Variants in NBAS observed in about 807,000 individuals in gnomAD.
The protein encoded by NBAS is NBAS subunit of NRZ tethering complex, also known as NAG/BC035112 fusion.
Under a neutral mutation model 302.5 loss-of-function variants are expected in NBAS, and 219 were observed. The observed-to-expected ratio is 0.72, with a 90% CI of 0.65 to 0.81. The LOEUF is 0.81. Among genes scored for constraint, NBAS ranks in the 30% least tolerant of loss-of-function variants. The pLI is 0.00. For synonymous variants in NBAS, 1,118 were observed against 1,021.6 expected (o/e 1.09, Z -1.80); for missense variants, 2,932 against 2,841.6 (o/e 1.03, Z -0.72).
At chr2:14,933,088 A>G in the NBAS span, among the ~76,000 whole-genome samples, 1 of 152,212 alleles carries the variant, frequency 6.6e-6, no homozygotes, top group African/African-American at 2.4e-5. Context: ...ACTTTCTAGT[A>G]TAATCCTCTC....
chr2:15,112,108 A>G, the NBAS span, among the ~76,000 whole-genome samples: 1 of 151,534 alleles, frequency 6.6e-6, no homozygotes, highest in African/African-American at 2.4e-5. Context: ...GCACACCAGA[A>G]AGCCAAATCT....
In NBAS at chr2:15,227,785, A is replaced by G. The variant is rs553390978; in HGVS notation, c.6236+4637T>C. Among the ~76,000 whole-genome samples the G allele has an allele frequency of 3.3e-5, 5 of 152,322 alleles. No homozygotes were observed. The South Asian group carries it at 8.3e-4, about 25-fold the overall frequency. On this transcript the variant is annotated intron_variant, in intron 47 of 51. Coordinates refer to ENST00000281513, the MANE Select transcript of NBAS (RefSeq NM_015909.4). Reference sequence around the variant, plus strand: ...GCTGAGAAAATTAGATAACCACACGAAAAAGAATGAAACTGGACTTCTATC... The same window carrying G: ...GCTGAGAAAATTAGATAACCACACGGAAAAGAATGAAACTGGACTTCTATC...
the NBAS span, among the ~76,000 whole-genome samples, chr2:14,959,552 C>T: frequency 2.0e-5 from 3 of 152,206 alleles, no homozygotes; most frequent in East Asian, 1.9e-4. Flanking sequence ...CTTAAGAACA[C>T]ACATAAGACC....
chr2:15,118,854 T>C, the NBAS span, among the ~76,000 whole-genome samples: 110 of 152,296 alleles, frequency 7.2e-4, 1 homozygote, highest in East Asian at 9.8e-3. Flanking sequence ...TGAGAAATAA[T>C]AAACACGGTT....
chr2:14,896,729 C>T, the NBAS span, among the ~76,000 whole-genome samples: 1 of 152,094 alleles, frequency 6.6e-6, no homozygotes, highest in African/African-American at 2.4e-5. Flanking sequence ...GAGCCCAGGC[C>T]AGTGAGTGAA....
chr2:14,963,017 T>C, the NBAS span, among the ~76,000 whole-genome samples: 1 of 151,852 alleles, frequency 6.6e-6, no homozygotes, highest in East Asian at 1.9e-4. Flanking sequence ...ATCTGTAATC[T>C]CAGCACTTTG....
chr2:14,925,143 T>C, the NBAS span, among the ~76,000 whole-genome samples: 1 of 152,234 alleles, frequency 6.6e-6, no homozygotes, highest in Non-Finnish European at 1.5e-5. Flanking sequence ...CCTGGTGTGC[T>C]GGGCCATGCA....
chr2:15,398,984 C>T lies in NBAS; in HGVS notation c.3072-2509G>A, dbSNP rs114331359. On this transcript the variant is annotated intron_variant, in intron 26 of 51. Transcript: ENST00000281513. ...CATGAGAGGCATTTCTTAGCCTATA[C>T]ATTCTTCAAAAACAAATATGGTAAT... Among the ~76,000 whole-genome samples, 1,028 of 152,260 alleles carry T rather than the reference C, an allele frequency of 6.8e-3. 12 individuals carry two copies. Among genetic ancestry groups the T allele is most frequent in the African/African-American group, 0.022 (927 of 41,564 alleles).
At position 15,352,070 on chromosome 2, in the gene NBAS, T is replaced by C. The variant is rs774508546; in HGVS notation, c.4101A>G (p.Gln1367=). 9.3e-6 allele frequency: 15 copies of C among 1,608,690 alleles called. No homozygotes were observed. The East Asian group carries it at 3.4e-4, about 36-fold the overall frequency. Residue 1367 remains glutamine, a synonymous_variant, in exon 35 of 52, where the codon CAA becomes CAG. Coordinates refer to ENST00000281513, the MANE Select transcript of NBAS (RefSeq NM_015909.4). ...SSSLQTEILY[Q]RVNFQIHHEG... is the part of the protein sequence containing the mutation. ...CATGATGGATCTGGAAATTCACTCT[T>C]TGATAAAGAATCTAAAACAAGAATA...
intron 8 of NBAS, among the ~76,000 whole-genome samples, chr2:15,535,640 T>C (rs1031204362): frequency 1.3e-5 from 2 of 152,094 alleles, no homozygotes; most frequent in African/African-American, 4.8e-5. Context: ...CTTTGAATCA[T>C]CTCTAGATTC....
chr2:14,991,458 G>A, the NBAS span, among the ~76,000 whole-genome samples: 44,988 of 152,012 alleles, frequency 0.3, 7,155 homozygotes, highest in Non-Finnish European at 0.36. Flanking sequence ...TCTTCCCAGT[G>A]TTGCAGGGAA....
intron 25 of NBAS, among the ~76,000 whole-genome samples, chr2:15,405,201 T>C (rs1486283989): frequency 6.6e-6 from 1 of 152,222 alleles, no homozygotes; most frequent in Non-Finnish European, 1.5e-5. Flanking sequence ...TCCTGGAGTA[T>C]GCTCAACAGT....
At chr2:15,342,191 C>T (rs572697797) in intron 35 of NBAS, among the ~76,000 whole-genome samples, 14 of 152,066 alleles carry the variant, frequency 9.2e-5, no homozygotes, top group African/African-American at 2.2e-4. Context: ...AAGATGTGTA[C>T]GTAGAATGCA....
chr2:15,288,044 G>A (rs1276108255), intron 41 of NBAS, among the ~76,000 whole-genome samples: 1 of 152,224 alleles, frequency 6.6e-6, no homozygotes, highest in East Asian at 1.9e-4. Flanking sequence ...AGCCCCCACA[G>A]CCAAGAACTG....
intron 35 of NBAS, among the ~76,000 whole-genome samples, chr2:15,346,214 C>T (rs145572436): frequency 6.6e-6 from 1 of 152,106 alleles, no homozygotes; most frequent in Non-Finnish European, 1.5e-5. Context: ...TTAGAGTGAA[C>T]AGGCAACCTA....
chr2:15,037,290 A>G, the NBAS span, among the ~76,000 whole-genome samples: 31 of 152,056 alleles, frequency 2.0e-4, no homozygotes, highest in African/African-American at 7.2e-4. Flanking sequence ...ACTAGGAGAC[A>G]CCCCGACTTC....
At chr2:14,896,393 G>A in the NBAS span, among the ~76,000 whole-genome samples, 3 of 152,018 alleles carry the variant, frequency 2.0e-5, no homozygotes, top group African/African-American at 7.3e-5. Flanking sequence ...ATTTAAGAGC[G>A]GTTTTATTCT....
intron 11 of NBAS, among the ~76,000 whole-genome samples, chr2:15,492,159 G>A (rs1680884205): frequency 6.6e-6 from 1 of 152,072 alleles, no homozygotes; most frequent in African/African-American, 2.4e-5. Context: ...TACCCAACCT[G>A]CTTCAACAAA....
At chr2:15,472,143 A>G (rs1472904044) in intron 16 of NBAS, among the ~76,000 whole-genome samples, 1 of 152,126 alleles carries the variant, frequency 6.6e-6, no homozygotes, top group Non-Finnish European at 1.5e-5. Context: ...GTGGTAGCAT[A>G]TCTCATTTGT....
Sources: gnomAD v4.1 joint callset for allele counts (sites outside exome capture counted in the v4.1 genomes callset) on GRCh38, gnomAD v4.1.1 for gene constraint, MANE v1.5 for transcripts, NCBI Gene and HGNC (gene_info 2026-07-23, HGNC 2026-07-21) for gene names.